JAM2: variants seen among roughly 807,000 people sequenced by gnomAD.
The protein encoded by JAM2 is junctional adhesion molecule 2.
In JAM2, 17 loss-of-function variants were observed where a neutral mutation model predicts 42.0. The ratio of observed to expected loss-of-function variants is 0.40; its 90% CI spans 0.28 to 0.61. The LOEUF (loss-of-function observed/expected upper bound fraction) is 0.61, where lower values mean the gene tolerates loss of function less well. JAM2 is among the 20% of genes least tolerant of loss of function. The pLI is 0.37. For missense variants in JAM2, 319 were observed against 358.3 expected (o/e 0.89, Z 0.89); for synonymous variants, 118 against 128.6 (o/e 0.92, Z 0.56).
chr21:25,653,467 G>A (rs1280999933), intron 1 of JAM2, among the ~76,000 whole-genome samples: 6 of 152,124 alleles, frequency 3.9e-5, no homozygotes, highest in Admixed American at 3.9e-4. Flanking sequence ...GAAGAAAAGA[G>A]GTTTAATTGA....
At chr21:25,695,886 C>T (rs1429920318) in intron 4 of JAM2, among the ~76,000 whole-genome samples, 1 of 150,744 alleles carries the variant, frequency 6.6e-6, no homozygotes, top group East Asian at 2.0e-4. Flanking sequence ...CGGGAAGAGG[C>T]GCTCCTCACT....
At chr21:25,657,533 A>T (rs2032972282) in intron 1 of JAM2, among the ~76,000 whole-genome samples, 1 of 152,140 alleles carries the variant, frequency 6.6e-6, no homozygotes, top group South Asian at 2.1e-4. Context: ...TGTTCAAAGG[A>T]CCTCCTTATA....
Position 25,714,918 on chromosome 21 carries a change from A to G in JAM2, c.*246A>G, listed in dbSNP as rs751945774. On this transcript the variant is annotated 3_prime_UTR_variant, in exon 10 of 10. Transcript: ENST00000480456. ...AGTTAAAAGAATTAAAATACTTTGT[A>G]ATGTCCTGGGCTTTGGGAAATGTTA... 3 of 360,674 alleles carry G rather than the reference A, an allele frequency of 8.3e-6. No individual in the cohort carries two copies. Among genetic ancestry groups the G allele is most frequent in the African/African-American group, 2.1e-5 (1 of 47,016 alleles). 22.3% of individuals were successfully genotyped at this position (360,674 alleles called of 1,614,324 possible). A position where few individuals can be genotyped will look rare whatever the true frequency, so the allele number is the denominator to read the frequency against.
intron 5 of JAM2, among the ~76,000 whole-genome samples, chr21:25,699,188 T>G (rs1484844034): frequency 6.6e-6 from 1 of 152,222 alleles, no homozygotes; most frequent in Non-Finnish European, 1.5e-5. Context: ...TTAAAAAGAT[T>G]CTAGAATTGA....
chr21:25,659,986 C>T (rs1417532027), intron 1 of JAM2, among the ~76,000 whole-genome samples: 1 of 152,114 alleles, frequency 6.6e-6, no homozygotes, highest in Non-Finnish European at 1.5e-5. Flanking sequence ...GTGCGGATCT[C>T]GGCTCACTGC....
chr21:25,705,948 A>G (rs1446471207), intron 6 of JAM2, 31 bp from the exon 7 acceptor site: 14 of 1,414,066 alleles, frequency 9.9e-6, no homozygotes, highest in Non-Finnish European at 1.4e-5. Context: ...TAATCCACAT[A>G]TATTTATGCG....
intron 1 of JAM2, among the ~76,000 whole-genome samples, chr21:25,674,011 T>G (rs187388141): frequency 5.8e-4 from 88 of 152,332 alleles, no homozygotes; most frequent in Admixed American, 1.4e-3. Context: ...TGCCGCCATG[T>G]AAGATGTGCC....
chr21:25,703,344 T>C (rs974095316), intron 6 of JAM2, among the ~76,000 whole-genome samples: 9 of 152,210 alleles, frequency 5.9e-5, no homozygotes, highest in Admixed American at 5.2e-4. Flanking sequence ...CGAATAAAAT[T>C]TAAATGTTTG....
At chr21:25,663,127 G>A (rs2033132543) in intron 1 of JAM2, among the ~76,000 whole-genome samples, 1 of 152,168 alleles carries the variant, frequency 6.6e-6, no homozygotes, top group Non-Finnish European at 1.5e-5. Context: ...AGAGGGCTTG[G>A]AGAATGCAGA....
At chr21:25,695,898 C>T (rs928658998) in intron 4 of JAM2, among the ~76,000 whole-genome samples, 174 of 151,632 alleles carry the variant, frequency 1.1e-3, no homozygotes, top group African/African-American at 4.0e-3. Flanking sequence ...CTCCTCACTT[C>T]CCAGACTGGG....
chr21:25,705,288 T>C (rs2034249183), intron 6 of JAM2, among the ~76,000 whole-genome samples: 1 of 152,168 alleles, frequency 6.6e-6, no homozygotes, highest in Non-Finnish European at 1.5e-5. Flanking sequence ...TGGAGAGAAG[T>C]AGTGCAATCA....
At chr21:25,708,706 T>G (rs1160679541) in intron 7 of JAM2, among the ~76,000 whole-genome samples, 1 of 152,162 alleles carries the variant, frequency 6.6e-6, no homozygotes, top group Non-Finnish European at 1.5e-5. Flanking sequence ...ACAAATAAGA[T>G]AACTCTTCCA....
intron 1 of JAM2, among the ~76,000 whole-genome samples, chr21:25,654,422 G>A (rs914936208): frequency 1.3e-5 from 2 of 152,084 alleles, no homozygotes; most frequent in African/African-American, 4.8e-5. Context: ...GCTGAGATGG[G>A]TGGATTACTT....
intron 1 of JAM2, among the ~76,000 whole-genome samples, chr21:25,641,448 C>T (rs1011079755): frequency 2.0e-5 from 3 of 152,160 alleles, no homozygotes; most frequent in African/African-American, 7.2e-5. Flanking sequence ...GTGACCTCTT[C>T]AAGCTTTAGG....
intron 1 of JAM2, among the ~76,000 whole-genome samples, chr21:25,663,550 C>T (rs988161849): frequency 2.0e-5 from 3 of 151,968 alleles, no homozygotes; most frequent in Admixed American, 6.6e-5. Flanking sequence ...ATGGATTAAC[C>T]CATTCATAGA....
rs397940878 is a variant in JAM2 at position 25,704,061 on chromosome 21, GT to G, written c.697+1804del. On this transcript the variant is annotated intron_variant, in intron 6 of 9. Coordinates refer to ENST00000480456, the MANE Select transcript of JAM2 (RefSeq NM_021219.4). ...AAATTCATTGACAAACTACAAGACA[GT>G]TTTTTTTTTTTGTCAGATAATAGCC... is the stretch of plus-strand genomic sequence containing the variant. 4.2e-4 allele frequency among the ~76,000 whole-genome samples: 61 copies of G among 144,672 alleles called. 1 individual carries two copies. Among genetic ancestry groups the G allele is most frequent in the Admixed American group, 8.3e-4 (12 of 14,400 alleles). The allele number at this position is 144,672 out of a possible 152,430, so 94.9% of individuals were successfully genotyped here.
intron 1 of JAM2, among the ~76,000 whole-genome samples, chr21:25,669,498 T>G (rs182508349): frequency 6.6e-6 from 1 of 152,318 alleles, no homozygotes; most frequent in Admixed American, 6.5e-5. Context: ...AAATGTTCTA[T>G]CTGCGTCACC....
rs146586526 is a variant in JAM2 at position 25,666,215 on chromosome 21, A to T, written c.68-17668A>T. 6.9e-4 allele frequency among the ~76,000 whole-genome samples: 105 copies of T among 152,178 alleles called. 2 individuals carry two copies. In the East Asian group the frequency reaches 0.016, roughly 23 times the overall value. The stretch of plus-strand genomic sequence containing the variant: ...ACATTTTAAAAAAGCAAATAATTTT[A>T]AAAAATTGCTCACCTTGTGTTATTA... On this transcript the variant is annotated intron_variant, in intron 1 of 9. Coordinates refer to ENST00000480456, the MANE Select transcript of JAM2 (RefSeq NM_021219.4).
rs1600983959 is a variant in JAM2, at chr21:25,643,903, C to CTCCA, written c.67+4015_67+4016insTCCA. 2.6e-5 allele frequency: 4 copies of CTCCA among 152,258 alleles called. No individual in the cohort carries two copies. The East Asian group carries it at 7.7e-4, about 29-fold the overall frequency. 9.4% of individuals were successfully genotyped at this position (152,258 alleles called of 1,614,324 possible). A position where few individuals can be genotyped will look rare whatever the true frequency, so the allele number is the denominator to read the frequency against. ...GCATTGGTTTCCTCCTGTGGGCCTT[C>CTCCA]CTCATAGAGAAGATGTATTGGAATA... On this transcript the variant is annotated intron_variant, in intron 1 of 9. Coordinates refer to ENST00000480456, the MANE Select transcript of JAM2 (RefSeq NM_021219.4).
Sources: allele counts gnomAD v4.1 joint callset (sites outside exome capture counted in the v4.1 genomes callset), GRCh38; gene constraint gnomAD v4.1.1; transcripts MANE v1.5; gene names NCBI Gene and HGNC (gene_info 2026-07-23, HGNC 2026-07-21).